MYO16: variants seen among roughly 807,000 people sequenced by gnomAD.
The protein encoded by MYO16 is myosin XVI, also known as unconventional myosin-XVI.
A neutral mutation model predicts 205.3 loss-of-function variants in MYO16; 94 were observed. The ratio of observed to expected loss-of-function variants is 0.46; its 90% CI spans 0.39 to 0.54. MYO16 has a LOEUF of 0.54. Among genes scored for constraint, MYO16 ranks in the 20% least tolerant of loss-of-function variants. MYO16 has a pLI of 0.00. For synonymous variants in MYO16, 988 were observed against 954.0 expected (o/e 1.04, Z -0.66); for missense variants, 2,315 against 2,387.5 (o/e 0.97, Z 0.63).
intron 17 of MYO16, among the ~76,000 whole-genome samples, chr13:108,959,134 C>T (rs1318527121): frequency 6.6e-6 from 1 of 152,064 alleles, no homozygotes; most frequent in Non-Finnish European, 1.5e-5. Flanking sequence ...TGCACCCACC[C>T]TTGCTGTTTT....
intron 19 of MYO16, among the ~76,000 whole-genome samples, chr13:108,963,992 C>G (rs1460726011): frequency 6.6e-6 from 1 of 152,188 alleles, no homozygotes; most frequent in African/African-American, 2.4e-5. Flanking sequence ...CAGTAGGTAT[C>G]CTTCCTCACC....
At chr13:108,688,161 C>G in intron 2 of MYO16, among the ~76,000 whole-genome samples, 1 of 152,230 alleles carries the variant, frequency 6.6e-6, no homozygotes, top group African/African-American at 2.4e-5. Flanking sequence ...TAGGAAATTA[C>G]AAGACCCTAA....
At chr13:108,823,310 ATCTTC>A in intron 9 of MYO16, 32 bp downstream of exon 9, 1 of 1,572,868 alleles carries the variant, frequency 6.4e-7, no homozygotes, top group African/African-American at 1.4e-5. Flanking sequence ...CTCTTTTGCC[ATCTTC>A]TCTACCTGCT....
At position 109,055,097 on chromosome 13, in the gene MYO16, G is replaced by A; in HGVS notation, c.3100G>A (p.Asp1034Asn). ...ATTTCTTCAAAGATTGGAACGAGGA[G>A]ATCCAGTCACCATAGCATCACAACT... ...STFLQRLERGDPVTIASQLRK... is the reference protein window; with the variant it reads ...STFLQRLERGNPVTIASQLRK... The change falls in exon 26 of 35, where the codon GAT becomes AAT. Residue 1034 changes from aspartate (D) to asparagine (N), a missense_variant. By Grantham distance (23) the Asp-to-Asn change is conservative. Around this residue, in one of 3 missense-constraint regions of MYO16, gnomAD observed 1,213 missense variants for 1,274.4 expected, o/e 0.95. Transcript: ENST00000457511. This position sits in a 1 kb window ranked among gnomAD's most constrained non-coding sequence, Gnocchi z 5.0. 6.3e-7 allele frequency: 1 copy of A among 1,588,968 alleles called. No homozygotes were observed. The highest frequency in any genetic ancestry group is 8.5e-7 in the Non-Finnish European group (1 of 1,170,940).
At chr13:108,692,729 A>G (rs77273174) in intron 2 of MYO16, among the ~76,000 whole-genome samples, 6,317 of 152,290 alleles carry the variant, frequency 0.041, 187 homozygotes, top group South Asian at 0.12. Flanking sequence ...TAAAAGAAAA[A>G]TGTGCTTATT....
At chr13:108,686,614 C>G (rs185964059) in intron 2 of MYO16, among the ~76,000 whole-genome samples, 2 of 152,306 alleles carry the variant, frequency 1.3e-5, no homozygotes, top group Admixed American at 6.5e-5. Flanking sequence ...AGGCAATGAT[C>G]GTTCCTAAAA....
chr13:109,056,838 T>C (rs1338357504), intron 27 of MYO16, among the ~76,000 whole-genome samples: 1 of 152,140 alleles, frequency 6.6e-6, no homozygotes, highest in Non-Finnish European at 1.5e-5. Flanking sequence ...TAATTCTATA[T>C]AAAATAAATG....
chr13:108,906,560 A>C (rs1880988567), intron 15 of MYO16, among the ~76,000 whole-genome samples: 1 of 152,186 alleles, frequency 6.6e-6, no homozygotes, highest in Non-Finnish European at 1.5e-5. Flanking sequence ...TTCTTTTAAA[A>C]GTTTTGAAAT....
At chr13:109,038,430 T>C (rs1381530989) in intron 23 of MYO16, among the ~76,000 whole-genome samples, 1 of 152,052 alleles carries the variant, frequency 6.6e-6, no homozygotes, top group Non-Finnish European at 1.5e-5. Context: ...AATATCAATC[T>C]CCTGCCCTTG....
At chr13:108,913,384 G>C (rs1334794835) in intron 16 of MYO16, among the ~76,000 whole-genome samples, 1 of 152,156 alleles carries the variant, frequency 6.6e-6, no homozygotes, top group African/African-American at 2.4e-5. Context: ...TGTTATACAG[G>C]TCTTCTCACA....
chr13:109,078,058 A>T (rs537454701), intron 27 of MYO16, among the ~76,000 whole-genome samples: 1 of 152,026 alleles, frequency 6.6e-6, no homozygotes, highest in Non-Finnish European at 1.5e-5. Flanking sequence ...TCTTCTGTTC[A>T]TCCAATTCAA....
chr13:108,706,515 TC>T (rs1403461160), intron 2 of MYO16, among the ~76,000 whole-genome samples: 1 of 152,162 alleles, frequency 6.6e-6, no homozygotes, highest in African/African-American at 2.4e-5. Flanking sequence ...GCACTGCAAA[TC>T]CTTCTAATAT....
At chr13:108,621,568 A>G (rs1879542974) in intron 1 of MYO16, among the ~76,000 whole-genome samples, 1 of 152,070 alleles carries the variant, frequency 6.6e-6, no homozygotes, top group Non-Finnish European at 1.5e-5. Context: ...TAAGCACTAC[A>G]TGCTTCCTGC....
At chr13:108,545,180 C>T in the MYO16 span, among the ~76,000 whole-genome samples, 2 of 151,992 alleles carry the variant, frequency 1.3e-5, no homozygotes, top group African/African-American at 4.8e-5. Flanking sequence ...CAGGGAGGCC[C>T]CGTGTCTGTT....
At chr13:108,593,418 G>A (rs1878455842), upstream of MYO16, among the ~76,000 whole-genome samples, 3 of 152,110 alleles carry the variant, frequency 2.0e-5, no homozygotes, top group South Asian at 2.1e-4. Context: ...GCCGGCAGGG[G>A]CAGGAGCTGC....
upstream of MYO16, among the ~76,000 whole-genome samples, chr13:108,593,438 C>T (rs756215625): frequency 6.6e-6 from 1 of 152,130 alleles, no homozygotes; most frequent in Non-Finnish European, 1.5e-5. Flanking sequence ...CTCTCAAGAC[C>T]GCAGTGTTTC....
At chr13:108,919,916 C>T (rs1442389985) in intron 16 of MYO16, among the ~76,000 whole-genome samples, 1 of 152,190 alleles carries the variant, frequency 6.6e-6, no homozygotes, top group Non-Finnish European at 1.5e-5. Context: ...ATAATTCTTA[C>T]ATATTTCTCT....
At chr13:108,739,747 A>G (rs1340402416) in intron 4 of MYO16, among the ~76,000 whole-genome samples, 2 of 152,062 alleles carry the variant, frequency 1.3e-5, no homozygotes, top group African/African-American at 2.4e-5. Flanking sequence ...ACTTGGTTCC[A>G]TTCTCCCCAT....
intron 1 of MYO16, among the ~76,000 whole-genome samples, chr13:108,623,982 A>C (rs1308754447): frequency 6.6e-6 from 1 of 152,180 alleles, no homozygotes; most frequent in African/African-American, 2.4e-5. Flanking sequence ...AATGGGCTTG[A>C]AGTAAATTTG....
Sources: gnomAD v4.1 joint callset for allele counts (sites outside exome capture counted in the v4.1 genomes callset) on GRCh38, gnomAD v4.1.1 for gene constraint, gnomAD v4.1.1 regional missense constraint, Gnocchi (gnomAD v3.1) non-coding constraint, MANE v1.5 for transcripts, NCBI Gene and HGNC (gene_info 2026-07-23, HGNC 2026-07-21) for gene names.